The following HGD variants were observed in gnomAD, a reference collection of about 807,000 sequenced individuals.
The protein encoded by HGD is homogentisate oxidase.
HGD carries 61 observed loss-of-function variants against 60.8 expected under a neutral mutation model. That is an observed-to-expected ratio of 1.00 (90% CI 0.82 to 1.24). The LOEUF is 1.24. Ranked by LOEUF, HGD falls within the 50% of genes most tolerant of loss-of-function variation. The pLI, the probability that HGD is intolerant of heterozygous loss-of-function variation, is 0.00. For missense variants in HGD, 542 were observed against 547.1 expected (o/e 0.99, Z 0.09); for synonymous variants, 212 against 187.7 (o/e 1.13, Z -1.06).
At chr3:120,670,631 A>G in intron 3 of HGD, 99 bp from the exon 4 acceptor site, 1 of 780,390 alleles carries the variant, frequency 1.3e-6, no homozygotes, top group Non-Finnish European at 2.3e-6. Flanking sequence ...CACTCAAGTC[A>G]ACAACGACCT....
At chr3:120,665,996 T>C (rs753726454) in intron 4 of HGD, among the ~76,000 whole-genome samples, 5 of 152,264 alleles carry the variant, frequency 3.3e-5, no homozygotes, top group Admixed American at 6.5e-5. Flanking sequence ...GAATGCAAAA[T>C]GCTGTGGTTA....
At chr3:120,664,426 CT>C (rs71133513) in intron 4 of HGD, among the ~76,000 whole-genome samples, 25,304 of 117,728 alleles carry the variant, frequency 0.21, 1,923 homozygotes, top group Middle Eastern at 0.28. Flanking sequence ...TTTTTTCTTC[CT>C]TTTTTTTTTT....
chr3:120,653,093 T>A (rs1941393058), intron 4 of HGD, among the ~76,000 whole-genome samples: 1 of 152,202 alleles, frequency 6.6e-6, no homozygotes. Flanking sequence ...GGGAAGGTTC[T>A]ACTTCTACTT....
chr3:120,676,368 C>T (rs182963840), intron 1 of HGD, among the ~76,000 whole-genome samples: 28 of 152,272 alleles, frequency 1.8e-4, no homozygotes, highest in South Asian at 8.3e-4. Flanking sequence ...TCAGGAGACA[C>T]GCCAGCCCAG....
intron 4 of HGD, among the ~76,000 whole-genome samples, chr3:120,664,658 T>C (rs1324123583): frequency 6.6e-6 from 1 of 152,140 alleles, no homozygotes; most frequent in Non-Finnish European, 1.5e-5. Context: ...CTCAAACTCC[T>C]GGACTCAAGT....
At chr3:120,669,433 T>C (rs974831114) in intron 4 of HGD, among the ~76,000 whole-genome samples, 5 of 143,798 alleles carry the variant, frequency 3.5e-5, no homozygotes, top group Admixed American at 7.4e-5. Flanking sequence ...AAATACAAGC[T>C]TATGTGCGCA....
intron 11 of HGD, 68 bp from the exon 12 acceptor site, chr3:120,638,649 C>T (rs1940863448): frequency 6.4e-7 from 1 of 1,564,592 alleles, no homozygotes; most frequent in Non-Finnish European, 8.8e-7. Context: ...ACACACATTT[C>T]ATGCATACAT....
chr3:120,648,417 G>A (rs1941231691), intron 6 of HGD, among the ~76,000 whole-genome samples: 1 of 152,192 alleles, frequency 6.6e-6, no homozygotes, highest in Non-Finnish European at 1.5e-5. Flanking sequence ...CCCAAAGAGA[G>A]GCCTCCAGAG....
chr3:120,681,777 T>C (rs1284083680), intron 1 of HGD, among the ~76,000 whole-genome samples: 1 of 151,990 alleles, frequency 6.6e-6, no homozygotes, highest in Non-Finnish European at 1.5e-5. Context: ...AGAGCAGGGG[T>C]TGGGAAAAAG....
rs374796116 is a variant in HGD at position 120,652,662 on chromosome 3, A to G, written c.283-11T>C. ...TGGTTTCCATCTAAGCTGGAAAAAA[A>G]ATACACATACAGAAAAATTACTTCA... On this transcript the variant is annotated splice_polypyrimidine_tract_variant and intron_variant, in intron 4 of 13. Coordinates refer to ENST00000283871, the MANE Select transcript of HGD (RefSeq NM_000187.4). 1 of 1,598,946 alleles carries G rather than the reference A, an allele frequency of 6.3e-7. No individual in the cohort carries two copies. The highest frequency in any genetic ancestry group is 8.6e-7 in the Non-Finnish European group (1 of 1,166,642).
chr3:120,649,139 C>CTTTTT (rs10572267), intron 6 of HGD, among the ~76,000 whole-genome samples: 46 of 94,380 alleles, frequency 4.9e-4, no homozygotes, highest in African/African-American at 6.0e-4. Flanking sequence ...TCTTCTTTTT[C>CTTTTT]TTTTTTTTTT....
intron 12 of HGD, chr3:120,633,635 C>T (rs974572613): frequency 1.5e-6 from 2 of 1,315,694 alleles, no homozygotes; most frequent in Admixed American, 2.2e-5. Context: ...AATTAAAATG[C>T]TAGTCATAAT....
chr3:120,638,662 A>AAT, intron 11 of HGD, 81 bp from the exon 12 acceptor site: 3 of 1,506,796 alleles, frequency 2.0e-6, no homozygotes, highest in Non-Finnish European at 9.2e-7. Flanking sequence ...GCATACATGA[A>AAT]GGTGTTTGCA....
chr3:120,675,842 C>G lies in HGD; in HGVS notation c.37G>C (p.Glu13Gln). The G allele has an allele frequency of 6.2e-7, 1 of 1,613,586 alleles. No homozygotes were observed. The highest frequency in any genetic ancestry group is 8.5e-7 in the Non-Finnish European group (1 of 1,179,550). The change falls in exon 2 of 14, where the codon GAG becomes CAG. Residue 13 changes from glutamate to glutamine, a missense_variant. Glu to Gln is a conservative substitution (Grantham distance 29). Around this residue, in one of 2 missense-constraint regions of HGD, gnomAD observed 537 missense variants for 529.1 expected, o/e 1.01. Transcript: ENST00000283871. ...ELKYISGFGN[E>Q]CSSEDPRCPG... ...CAGCGAGGATCCTCTGAAGAACACTCATTCCCAAATCCAGAAATGTACTGT... is the reference window on the plus strand; with the variant it reads ...CAGCGAGGATCCTCTGAAGAACACTGATTCCCAAATCCAGAAATGTACTGT...
intron 4 of HGD, among the ~76,000 whole-genome samples, chr3:120,660,008 G>T (rs897134465): frequency 6.6e-6 from 1 of 152,036 alleles, no homozygotes; most frequent in African/African-American, 2.4e-5. Context: ...TCTTGGTGCT[G>T]TTCTCATGAC....
chr3:120,638,326 C>G, intron 12 of HGD, 129 bp downstream of exon 12: 2 of 1,128,790 alleles, frequency 1.8e-6, no homozygotes, highest in East Asian at 4.7e-5. Context: ...AGGCCTTGTG[C>G]AGCAGGATCC....
intron 4 of HGD, among the ~76,000 whole-genome samples, chr3:120,661,128 GAC>G (rs1707758102): frequency 6.6e-6 from 1 of 152,146 alleles, no homozygotes; most frequent in Admixed American, 6.5e-5. Context: ...CACTTTCTCA[GAC>G]CCTCTTACTA....
At chr3:120,629,308 T>C (rs1262359025) in intron 13 of HGD, among the ~76,000 whole-genome samples, 1 of 152,212 alleles carries the variant, frequency 6.6e-6, no homozygotes, top group African/African-American at 2.4e-5. Context: ...CTACAATTCT[T>C]ATATGCTCAC....
chr3:120,676,923 A>G (rs1279115021), intron 1 of HGD, among the ~76,000 whole-genome samples: 1 of 152,206 alleles, frequency 6.6e-6, no homozygotes, highest in East Asian at 1.9e-4. Context: ...AAGTTCGTGG[A>G]TTGTGAAGAT....
Sources: gnomAD v4.1 joint callset for allele counts (sites outside exome capture counted in the v4.1 genomes callset) on GRCh38, gnomAD v4.1.1 for gene constraint, gnomAD v4.1.1 regional missense constraint, MANE v1.5 for transcripts, NCBI Gene and HGNC (gene_info 2026-07-23, HGNC 2026-07-21) for gene names.